Variants in CCDC30 observed in about 807,000 individuals in gnomAD.
The protein encoded by CCDC30 is coiled-coil domain containing 30.
In CCDC30, 70 loss-of-function variants were observed where a neutral mutation model predicts 100.2. The ratio of observed to expected loss-of-function variants is 0.70; its 90% confidence interval spans 0.58 to 0.85. CCDC30 has a LOEUF of 0.85. Ranked by LOEUF, CCDC30 falls within the 40% of genes least tolerant of loss-of-function variation. CCDC30 has a pLI of 0.00. For missense variants in CCDC30, 652 were observed against 771.2 expected, an observed-to-expected ratio of 0.85 and a Z score of 1.83; for synonymous variants, 233 against 269.5, an observed-to-expected ratio of 0.86 and a Z score of 1.33.
exon 17 of CCDC30, chr1:42,654,097 G>A (rs913424249): frequency 8.9e-7 from 1 of 1,124,554 alleles, no homozygotes; most frequent in Non-Finnish European, 1.3e-6. Flanking sequence ...GGTGGACCAT[G>A]ACATTGAGAA....
intron 6 of CCDC30, chr1:42,500,412 G>T: frequency 1.1e-6 from 1 of 941,124 alleles, no homozygotes; most frequent in Non-Finnish European, 1.7e-6. Context: ...CCACCACCGA[G>T]TTCTCTCTTT....
chr1:42,555,199 TC>T (rs1205921292), intron 6 of CCDC30, among the ~76,000 whole-genome samples: 1 of 152,230 alleles, frequency 6.6e-6, no homozygotes, highest in Admixed American at 6.5e-5. Context: ...AAATAATATT[TC>T]TAAAGCACCT....
intron 14 of CCDC30, among the ~76,000 whole-genome samples, chr1:42,645,407 C>G (rs921441517): frequency 5.3e-5 from 8 of 152,002 alleles, no homozygotes; most frequent in Middle Eastern, 3.4e-3. Context: ...TGGCCAAATA[C>G]AGAGAGATGC....
chr1:42,520,257 C>G (rs1644616898), intron 6 of CCDC30, among the ~76,000 whole-genome samples: 1 of 141,918 alleles, frequency 7.0e-6, no homozygotes, highest in South Asian at 2.2e-4. Context: ...CCCGCCTTCA[C>G]TTTGCTTTTT....
intron 13 of CCDC30, among the ~76,000 whole-genome samples, chr1:42,643,531 C>T (rs1010410341): frequency 6.6e-6 from 1 of 152,198 alleles, no homozygotes; most frequent in Non-Finnish European, 1.5e-5. Context: ...TTCTGACAGT[C>T]AGGATCCAAC....
chr1:42,463,398 C>T (rs1216313808), exon 1 of CCDC30: 2 of 152,252 alleles, frequency 1.3e-5, no homozygotes, highest in Non-Finnish European at 2.9e-5. Flanking sequence ...CGACTTGGTT[C>T]TTGAGGTTCC....
At chr1:42,589,290 G>T in intron 9 of CCDC30, 31 bp from the exon 14 acceptor site, 1 of 1,516,932 alleles carries the variant, frequency 6.6e-7, no homozygotes, top group Non-Finnish European at 8.9e-7. Context: ...GCAATTCATG[G>T]TGTGATTTAA....
chr1:42,530,756 G>T (rs534643980), intron 6 of CCDC30, among the ~76,000 whole-genome samples: 5 of 152,244 alleles, frequency 3.3e-5, no homozygotes, highest in Admixed American at 3.3e-4. Context: ...ATGTGTATAG[G>T]TTATATGTAA....
intron 10 of CCDC30, among the ~76,000 whole-genome samples, chr1:42,595,861 G>A (rs1646277317): frequency 6.6e-6 from 1 of 152,158 alleles, no homozygotes; most frequent in South Asian, 2.1e-4. Context: ...GCTAGAAAGA[G>A]GCTAAATGAC....
chr1:42,544,777 G>T (rs1017399138), intron 6 of CCDC30, among the ~76,000 whole-genome samples: 4 of 152,108 alleles, frequency 2.6e-5, no homozygotes, highest in Non-Finnish European at 4.4e-5. Context: ...AAAGTGCTGG[G>T]ATTACAGATG....
chr1:42,639,491 A>G (rs1362859571), intron 12 of CCDC30, among the ~76,000 whole-genome samples: 2 of 152,232 alleles, frequency 1.3e-5, no homozygotes, highest in African/African-American at 4.8e-5. Context: ...CACCTACCCA[A>G]AGAACCACAG....
intron 3 of CCDC30, 87 bp downstream of exon 3, chr1:42,482,903 A>C (rs78110379): frequency 2.3e-6 from 2 of 858,398 alleles, no homozygotes; most frequent in Non-Finnish European, 3.1e-6. Context: ...AAAAAAAAAA[A>C]CACTGAGAAA....
intron 11 of CCDC30, among the ~76,000 whole-genome samples, chr1:42,623,494 C>A (rs928010379): frequency 7.9e-5 from 12 of 152,168 alleles, no homozygotes; most frequent in African/African-American, 2.9e-4. Flanking sequence ...AAGAGACTAT[C>A]TTTTCCCTGG....
At chr1:42,541,391 T>C (rs932392042) in intron 6 of CCDC30, among the ~76,000 whole-genome samples, 36 of 152,248 alleles carry the variant, frequency 2.4e-4, no homozygotes, top group African/African-American at 8.7e-4. Flanking sequence ...ATATGAACTT[T>C]GAGTCAACAC....
chr1:42,608,742 A>G (rs942231700), intron 10 of CCDC30, among the ~76,000 whole-genome samples: 30 of 146,244 alleles, frequency 2.1e-4, no homozygotes, highest in African/African-American at 5.2e-4. Flanking sequence ...AAAAAAAAAG[A>G]TATGAATCTT....
upstream of CCDC30, chr1:42,459,553 G>C (rs780056196): frequency 3.5e-6 from 5 of 1,439,996 alleles, no homozygotes; most frequent in Non-Finnish European, 3.8e-6. Flanking sequence ...GATTGACCTG[G>C]TAGGTAATGA....
At chr1:42,481,693 T>C (rs982089291) in intron 2 of CCDC30, among the ~76,000 whole-genome samples, 1 of 152,120 alleles carries the variant, frequency 6.6e-6, no homozygotes, top group Non-Finnish European at 1.5e-5. Context: ...TTATTTTAAA[T>C]ATATTCAGTT....
chr1:42,528,914 T>A (rs12408085), intron 6 of CCDC30, among the ~76,000 whole-genome samples: 1 of 152,176 alleles, frequency 6.6e-6, no homozygotes, highest in African/African-American at 2.4e-5. Context: ...AAAGATCACA[T>A]GGTTTTCCCT....
chr1:42,502,230 C>A (rs953142946), intron 6 of CCDC30, among the ~76,000 whole-genome samples: 4 of 152,240 alleles, frequency 2.6e-5, no homozygotes, highest in African/African-American at 7.2e-5. Context: ...GTGAGCAAGG[C>A]TCCATGGGCG....
Sources: gnomAD v4.1 joint callset for allele counts (sites outside exome capture counted in the v4.1 genomes callset) on GRCh38, gnomAD v4.1.1 for gene constraint, MANE v1.5 for transcripts, NCBI Gene and HGNC (gene_info 2026-07-23, HGNC 2026-07-21) for gene names.